VSTM2L: variants seen among roughly 807,000 people sequenced by gnomAD.
The protein encoded by VSTM2L is V-set and transmembrane domain-containing protein 2-like protein.
VSTM2L carries 9 observed loss-of-function variants against 19.9 expected under a neutral mutation model. The observed-to-expected ratio is 0.45, with a 90% CI of 0.27 to 0.79. The LOEUF is 0.79. Ranked by LOEUF, VSTM2L falls within the 30% of genes least tolerant of loss-of-function variation. The probability of loss-of-function intolerance (pLI) is 0.15; values close to 1 mark genes in which losing one functional copy is unlikely to be tolerated. For missense variants in VSTM2L, 286 were observed against 295.5 expected, an observed-to-expected ratio of 0.97 and a Z score of 0.24; for synonymous variants, 127 against 133.8, an observed-to-expected ratio of 0.95 and a Z score of 0.35.
chr20:37,933,728 C>T (rs1022120961), intron 3 of VSTM2L, 139 bp downstream of exon 3: 2 of 815,760 alleles, frequency 2.5e-6, no homozygotes, highest in African/African-American at 1.7e-5. Context: ...AAAAAATGGC[C>T]TTGCTCTGTT....
chr20:37,934,598 G>C (rs568905962), intron 3 of VSTM2L, among the ~76,000 whole-genome samples: 3 of 152,050 alleles, frequency 2.0e-5, no homozygotes, highest in Admixed American at 1.3e-4. Flanking sequence ...TTTTTTGCTT[G>C]ATTCTTCCAC....
intron 1 of VSTM2L, among the ~76,000 whole-genome samples, chr20:37,923,320 A>C (rs1398153498): frequency 6.6e-6 from 1 of 152,182 alleles, no homozygotes; most frequent in African/African-American, 2.4e-5. Flanking sequence ...TGCCTTTCCC[A>C]GAAGCCAAAC....
intron 3 of VSTM2L, 135 bp downstream of exon 3, chr20:37,933,724 T>G (rs2072923995): frequency 5.9e-6 from 5 of 845,426 alleles, no homozygotes; most frequent in Non-Finnish European, 9.1e-6. Context: ...GGGAAAAAAA[T>G]GGCCTTGCTC....
chr20:37,933,487 C>T, intron 2 of VSTM2L, 52 bp from the exon 3 acceptor site: 3 of 1,472,832 alleles, frequency 2.0e-6, no homozygotes, highest in Non-Finnish European at 2.8e-6. Context: ...CCACCCCCAC[C>T]CTGTGCTAAC....
chr20:37,921,364 C>G (rs1018332278), intron 1 of VSTM2L, among the ~76,000 whole-genome samples: 4 of 152,142 alleles, frequency 2.6e-5, no homozygotes, highest in Non-Finnish European at 5.9e-5. Context: ...TGATTTTGAC[C>G]CTGAGGGCTG....
At chr20:37,920,569 A>T (rs1162937402) in intron 1 of VSTM2L, among the ~76,000 whole-genome samples, 2 of 152,232 alleles carry the variant, frequency 1.3e-5, no homozygotes, top group East Asian at 3.8e-4. Flanking sequence ...GTGGCCCCTC[A>T]GCTGGGCCAG....
chr20:37,932,623 A>T (rs952494084), intron 2 of VSTM2L, among the ~76,000 whole-genome samples: 1 of 152,128 alleles, frequency 6.6e-6, no homozygotes, highest in African/African-American at 2.4e-5. Flanking sequence ...CTACTGTGGT[A>T]ACTAACCAAC....
In VSTM2L at chr20:37,944,268, C is replaced by T; in HGVS notation, c.*15C>T. On this transcript the variant is annotated 3_prime_UTR_variant, in exon 4 of 4. Coordinates refer to ENST00000373461, the MANE Select transcript of VSTM2L (RefSeq NM_080607.3). The stretch of plus-strand genomic sequence containing the variant: ...GCAGCCTCTAGACTGATGCCCCTGC[C>T]CCCGCCCATCCGCCCCCACGCTGTA... 1 of 1,472,548 alleles carries T rather than the reference C, an allele frequency of 6.8e-7. No homozygotes were observed. The highest frequency in any genetic ancestry group is 2.5e-5 in the East Asian group (1 of 39,890). The allele number at this position is 1,472,548 out of a possible 1,614,324, so 91.2% of individuals were successfully genotyped here.
chr20:37,926,145 T>C (rs917866940), intron 1 of VSTM2L, among the ~76,000 whole-genome samples: 1 of 152,090 alleles, frequency 6.6e-6, no homozygotes, highest in Non-Finnish European at 1.5e-5. Context: ...CACTGCAACC[T>C]CCGCCTCCCA....
intron 3 of VSTM2L, 30 bp downstream of exon 3, chr20:37,933,619 G>T (rs1186295963): frequency 6.2e-7 from 1 of 1,612,922 alleles, no homozygotes; most frequent in Non-Finnish European, 8.5e-7. Context: ...TCTCGAAAGG[G>T]CTCTAATGGA....
At chr20:37,921,196 G>A (rs1194490245) in intron 1 of VSTM2L, among the ~76,000 whole-genome samples, 1 of 152,242 alleles carries the variant, frequency 6.6e-6, no homozygotes, top group African/African-American at 2.4e-5. Flanking sequence ...TGAGGAGGGA[G>A]AGTACCTTTA....
chr20:37,942,885 T>A (rs2072980927), intron 3 of VSTM2L, among the ~76,000 whole-genome samples: 1 of 152,164 alleles, frequency 6.6e-6, no homozygotes, highest in Non-Finnish European at 1.5e-5. Context: ...CCAAGTGGAG[T>A]GAATAGTTAT....
Position 37,913,033 on chromosome 20 carries a change from G to A in VSTM2L, c.121+9562G>A, listed in dbSNP as rs547375291. Among the ~76,000 whole-genome samples, 16 of 151,656 alleles carry A rather than the reference G, an allele frequency of 1.1e-4. 1 individual carries two copies. In the South Asian group the frequency reaches 3.1e-3, roughly 30 times the overall value. ...CTCGGGTATGCACACAGCTCTCTTC[G>A]ATGACATCTCAGGATTACACATACA... is the stretch of plus-strand genomic sequence containing the variant. On this transcript the variant is annotated intron_variant, in intron 1 of 3. Coordinates refer to ENST00000373461, the MANE Select transcript of VSTM2L (RefSeq NM_080607.3).
At chr20:37,934,073 T>A (rs551941286) in intron 3 of VSTM2L, among the ~76,000 whole-genome samples, 4 of 152,300 alleles carry the variant, frequency 2.6e-5, no homozygotes, top group African/African-American at 7.2e-5. Flanking sequence ...CCACACTCTG[T>A]AAGAAGGGCC....
intron 1 of VSTM2L, among the ~76,000 whole-genome samples, chr20:37,908,044 A>G (rs549984797): frequency 6.6e-6 from 1 of 152,330 alleles, no homozygotes; most frequent in East Asian, 1.9e-4. Flanking sequence ...TGATTATTCT[A>G]TCAATTACGC....
intron 3 of VSTM2L, among the ~76,000 whole-genome samples, chr20:37,941,366 A>G (rs1033350289): frequency 6.5e-4 from 99 of 152,182 alleles, no homozygotes; most frequent in African/African-American, 2.2e-3. Flanking sequence ...ATGAACAGGG[A>G]ACCCCACCCA....
At chr20:37,920,282 A>G (rs2072842948) in intron 1 of VSTM2L, among the ~76,000 whole-genome samples, 1 of 152,202 alleles carries the variant, frequency 6.6e-6, no homozygotes, top group Non-Finnish European at 1.5e-5. Flanking sequence ...TAAAGGGACA[A>G]TGATCCCTGC....
intron 1 of VSTM2L, among the ~76,000 whole-genome samples, chr20:37,911,373 G>A (rs142126618): frequency 7.2e-5 from 11 of 152,238 alleles, no homozygotes; most frequent in Middle Eastern, 3.4e-3. Context: ...AGCCCTACCC[G>A]TTATTAGCTG....
chr20:37,927,472 TG>T lies in VSTM2L; in HGVS notation c.122-4162del, dbSNP rs143216512. Reference sequence around the variant, plus strand: ...CGAGGCCCTAGATGGCCACTTCTGGTGTCCCGGTGGAGAAGTGGCCGTGTGG... The same window carrying T: ...CGAGGCCCTAGATGGCCACTTCTGGTTCCCGGTGGAGAAGTGGCCGTGTGG... On this transcript the variant is annotated intron_variant, in intron 1 of 3. Transcript: ENST00000373461. Among the ~76,000 whole-genome samples, 84 of 152,356 alleles carry T rather than the reference TG, an allele frequency of 5.5e-4. No homozygotes were observed. In the East Asian group the frequency reaches 0.015, roughly 27 times the overall value.
Sources: gnomAD v4.1 joint callset for allele counts (sites outside exome capture counted in the v4.1 genomes callset) on GRCh38, gnomAD v4.1.1 for gene constraint, MANE v1.5 for transcripts, NCBI Gene and HGNC (gene_info 2026-07-23, HGNC 2026-07-21) for gene names.